Variants in AGBL4 observed in about 807,000 individuals in gnomAD.
The protein encoded by AGBL4 is cytosolic carboxypeptidase 6.
Under a neutral mutation model 66.4 loss-of-function variants are expected in AGBL4, and 58 were observed. The observed-to-expected ratio is 0.87, with a 90% CI of 0.71 to 1.09. The LOEUF (loss-of-function observed/expected upper bound fraction) is 1.09. AGBL4 is among the 50% of genes least tolerant of loss of function. AGBL4 has a pLI of 0.00. For missense variants in AGBL4, 579 were observed against 631.0 expected (o/e 0.92, Z 0.88); for synonymous variants, 234 against 222.9 (o/e 1.05, Z -0.44).
At chr1:49,207,538 T>C (rs1648284226) in intron 4 of AGBL4, among the ~76,000 whole-genome samples, 1 of 142,216 alleles carries the variant, frequency 7.0e-6, no homozygotes, top group Admixed American at 7.2e-5. Context: ...TTTCTTTTTC[T>C]TTCTTTTCTT....
chr1:48,813,938 T>A (rs948048275), intron 6 of AGBL4, among the ~76,000 whole-genome samples: 2 of 151,968 alleles, frequency 1.3e-5, no homozygotes, highest in African/African-American at 4.8e-5. Flanking sequence ...TGCACTGGGA[T>A]TTGGAGCCAA....
At chr1:49,244,935 T>C (rs796983839) in intron 4 of AGBL4, among the ~76,000 whole-genome samples, 8 of 151,860 alleles carry the variant, frequency 5.3e-5, no homozygotes, top group African/African-American at 1.4e-4. Context: ...AATGAATGAA[T>C]TGGCTGAAAA....
rs1215864870 is a variant in AGBL4 at position 49,882,320 on chromosome 1, G to A, written c.35-30802C>T. Among the ~76,000 whole-genome samples, 201 of 150,864 alleles carry A rather than the reference G, an allele frequency of 1.3e-3. 1 individual carries two copies. Among genetic ancestry groups the A allele is most frequent in the African/African-American group, 4.7e-3 (191 of 40,716 alleles). ...GTAGTATAGTTTGAAGTCAGGTAGT[G>A]TGATGCCTCCAGCTTTGTTCTTTTG... On this transcript the variant is annotated intron_variant, in intron 1 of 13. Coordinates refer to ENST00000371839, the MANE Select transcript of AGBL4 (RefSeq NM_032785.4).
At chr1:48,694,115 G>A (rs1646678774) in intron 6 of AGBL4, among the ~76,000 whole-genome samples, 1 of 150,690 alleles carries the variant, frequency 6.6e-6, no homozygotes, top group Admixed American at 6.6e-5. Flanking sequence ...CACTGGCACT[G>A]CTCTCCTGGA....
chr1:49,376,172 T>C (rs1644467753), intron 3 of AGBL4, among the ~76,000 whole-genome samples: 1 of 152,084 alleles, frequency 6.6e-6, no homozygotes, highest in Admixed American at 6.6e-5. Context: ...GTACCCACCA[T>C]TTCATACCTT....
At chr1:49,561,795 T>C (rs1644053393) in intron 3 of AGBL4, among the ~76,000 whole-genome samples, 1 of 152,168 alleles carries the variant, frequency 6.6e-6, no homozygotes, top group Non-Finnish European at 1.5e-5. Context: ...TATAGCAGCA[T>C]GATTTATAAT....
chr1:49,233,082 A>C (rs941426688), intron 4 of AGBL4, among the ~76,000 whole-genome samples: 1 of 152,184 alleles, frequency 6.6e-6, no homozygotes, highest in Non-Finnish European at 1.5e-5. Context: ...ACATCCTTAA[A>C]AACAAATCTT....
intron 6 of AGBL4, among the ~76,000 whole-genome samples, chr1:48,757,413 G>A (rs961388329): frequency 1.3e-5 from 2 of 152,094 alleles, no homozygotes; most frequent in African/African-American, 2.4e-5. Context: ...AACCATATGC[G>A]ACTTTTCGTG....
At chr1:49,252,738 CATT>C (rs1366416919) in intron 3 of AGBL4, among the ~76,000 whole-genome samples, 1 of 152,090 alleles carries the variant, frequency 6.6e-6, no homozygotes, top group African/African-American at 2.4e-5. Context: ...AGACAAAAGA[CATT>C]TAGGGCCAAT....
intron 6 of AGBL4, among the ~76,000 whole-genome samples, chr1:48,753,265 A>G (rs1652041147): frequency 6.6e-6 from 1 of 152,242 alleles, no homozygotes; most frequent in Admixed American, 6.5e-5. Flanking sequence ...GTGGGCTTTA[A>G]GATACCTAGA....
intron 4 of AGBL4, among the ~76,000 whole-genome samples, chr1:49,177,686 A>G (rs1020165131): frequency 6.6e-6 from 1 of 152,092 alleles, no homozygotes; most frequent in Non-Finnish European, 1.5e-5. Flanking sequence ...TAAGATTATT[A>G]AGGCCATTAA....
intron 4 of AGBL4, among the ~76,000 whole-genome samples, chr1:49,155,142 A>C (rs1646406311): frequency 6.6e-6 from 1 of 152,178 alleles, no homozygotes. Flanking sequence ...GAAGAAAACT[A>C]TGATGCAAAT....
At chr1:48,674,217 T>A (rs901623002) in intron 6 of AGBL4, among the ~76,000 whole-genome samples, 2 of 152,218 alleles carry the variant, frequency 1.3e-5, no homozygotes, top group African/African-American at 4.8e-5. Context: ...GAACTTTGTC[T>A]TGTTAATGGC....
At chr1:48,689,438 TTCCC>T (rs1218901262) in intron 6 of AGBL4, among the ~76,000 whole-genome samples, 68 of 147,810 alleles carry the variant, frequency 4.6e-4, no homozygotes, top group Middle Eastern at 3.4e-3. Context: ...TCTTCTTTCC[TTCCC>T]TCCCTCCCTC....
rs1361575458 is a variant in AGBL4 at position 49,237,552 on chromosome 1, A to T, written c.377+8218T>A. Among the ~76,000 whole-genome samples the T allele has an allele frequency of 3.4e-3, 47 of 13,882 alleles. 3 individuals are homozygous for T. Among genetic ancestry groups the T allele is most frequent in the Non-Finnish European group, 7.7e-3 (35 of 4,544 alleles). The allele number at this position is 13,882 out of a possible 152,430, so 9.1% of individuals were successfully genotyped here. Reference sequence around the variant, plus strand: ...TATATATATATATATATATATATATATATATATATATATATATATATAAAA... The same window carrying T: ...TATATATATATATATATATATATATTTATATATATATATATATATATAAAA... On this transcript the variant is annotated intron_variant, in intron 4 of 13. Transcript: ENST00000371839.
chr1:49,410,189 A>G (rs1485823819), intron 3 of AGBL4, among the ~76,000 whole-genome samples: 2 of 152,204 alleles, frequency 1.3e-5, no homozygotes, highest in African/African-American at 2.4e-5. Flanking sequence ...TAGGGAGGGC[A>G]AAGCTGGCAG....
intron 6 of AGBL4, among the ~76,000 whole-genome samples, chr1:48,741,912 A>G (rs1206115564): frequency 2.0e-5 from 3 of 152,238 alleles, no homozygotes; most frequent in Non-Finnish European, 4.4e-5. Flanking sequence ...ATTGAATGTT[A>G]GAAGAATGTC....
intron 3 of AGBL4, among the ~76,000 whole-genome samples, chr1:49,696,123 G>A (rs944346575): frequency 6.6e-6 from 1 of 152,092 alleles, no homozygotes; most frequent in Non-Finnish European, 1.5e-5. Flanking sequence ...AAGTAAGAAG[G>A]TAGATGTTGG....
intron 6 of AGBL4, among the ~76,000 whole-genome samples, chr1:48,713,877 T>A (rs1399130732): frequency 1.3e-5 from 2 of 152,194 alleles, no homozygotes; most frequent in African/African-American, 4.8e-5. Context: ...CTTTGACAAC[T>A]GGATCTGCAA....
Sources: allele counts gnomAD v4.1 joint callset (sites outside exome capture counted in the v4.1 genomes callset), GRCh38; gene constraint gnomAD v4.1.1; transcripts MANE v1.5; gene names NCBI Gene and HGNC (gene_info 2026-07-23, HGNC 2026-07-21).